Variants in CCDC7 observed in about 807,000 individuals in gnomAD.
CCDC7 encodes coiled-coil domain-containing protein 7.
In CCDC7, 183 loss-of-function variants were observed where a neutral mutation model predicts 196.9. The observed-to-expected ratio is 0.93, with a 90% CI of 0.82 to 1.05. CCDC7 has a LOEUF of 1.05. CCDC7 is among the 50% of genes least tolerant of loss of function. The pLI, the probability that CCDC7 is intolerant of heterozygous loss-of-function variation, is 0.00. For missense variants in CCDC7, 1,540 were observed against 1,482.2 expected, an observed-to-expected ratio of 1.04 and a Z score of -0.64; for synonymous variants, 525 against 484.6, an observed-to-expected ratio of 1.08 and a Z score of -1.10.
At chr10:32,809,640 C>G (rs1238820453) in intron 30 of CCDC7, among the ~76,000 whole-genome samples, 1 of 152,210 alleles carries the variant, frequency 6.6e-6, no homozygotes, top group Admixed American at 6.5e-5. Context: ...CTCATCATCA[C>G]TGGTCATCAG....
rs748760643 is a variant in CCDC7, at chr10:32,504,115, G to GTTTT, written c.872+12135_872+12138dup. On this transcript the variant is annotated intron_variant, in intron 9 of 41. Transcript: ENST00000639629. ...TTCTAGTCTCTATTATTTATTGCTG[G>GTTTT]TTTTTTTTTTTTTTTTTTTTGAGAT... Among the ~76,000 whole-genome samples the GTTTT allele has an allele frequency of 1.1e-3, 108 of 96,298 alleles. 1 individual carries two copies. Among genetic ancestry groups the GTTTT allele is most frequent in the East Asian group, 2.7e-3 (7 of 2,630 alleles). 63.2% of individuals were successfully genotyped at this position (96,298 alleles called of 152,430 possible). A position where few individuals can be genotyped will look rare whatever the true frequency, so the allele number is the denominator to read the frequency against.
At chr10:32,449,911 G>A (rs1389018790), upstream of CCDC7, among the ~76,000 whole-genome samples, 1 of 152,130 alleles carries the variant, frequency 6.6e-6, no homozygotes, top group Non-Finnish European at 1.5e-5. Context: ...TTAGCGTCTG[G>A]GCTTTCATCA....
At chr10:32,468,331 C>A (rs2037268393) in intron 5 of CCDC7, among the ~76,000 whole-genome samples, 1 of 151,880 alleles carries the variant, frequency 6.6e-6, no homozygotes, top group South Asian at 2.1e-4. Flanking sequence ...CCTAGGTATT[C>A]TTTTTGTGGC....
chr10:32,665,276 G>T (rs2072412244), intron 21 of CCDC7, among the ~76,000 whole-genome samples: 1 of 151,768 alleles, frequency 6.6e-6, no homozygotes, highest in Admixed American at 6.6e-5. Context: ...TATTCCTACT[G>T]TTGATTGTTT....
intron 18 of CCDC7, among the ~76,000 whole-genome samples, chr10:32,588,503 G>A (rs1035929631): frequency 6.6e-6 from 1 of 151,988 alleles, no homozygotes; most frequent in Non-Finnish European, 1.5e-5. Flanking sequence ...TCTTTCCTGG[G>A]ATAAATCCTA....
intron 41 of CCDC7, among the ~76,000 whole-genome samples, chr10:32,855,811 C>T (rs1188216753): frequency 6.6e-6 from 1 of 152,148 alleles, no homozygotes; most frequent in Admixed American, 6.6e-5. Flanking sequence ...AAGACTTACA[C>T]TTCATAATTT....
At chr10:32,836,759 A>G (rs769013976) in intron 33 of CCDC7, among the ~76,000 whole-genome samples, 4 of 151,516 alleles carry the variant, frequency 2.6e-5, no homozygotes, top group African/African-American at 7.3e-5. Context: ...GTTTGAGTTC[A>G]TTGTATGTTG....
intron 15 of CCDC7, 109 bp from the exon 17 acceptor site, chr10:32,571,750 A>C: frequency 9.6e-7 from 1 of 1,038,218 alleles, no homozygotes; most frequent in East Asian, 3.1e-5. Flanking sequence ...CCTTAATCTT[A>C]CGAAATTGTC....
chr10:32,739,192 G>T (rs373596680), intron 28 of CCDC7, among the ~76,000 whole-genome samples: 7 of 151,624 alleles, frequency 4.6e-5, no homozygotes, highest in Non-Finnish European at 1.5e-5. Flanking sequence ...ATTAATTTTC[G>T]AAAATTCTTA....
At chr10:32,573,763 C>A (rs2057866560) in intron 16 of CCDC7, among the ~76,000 whole-genome samples, 1 of 152,026 alleles carries the variant, frequency 6.6e-6, no homozygotes, top group Non-Finnish European at 1.5e-5. Context: ...GTAATAACTT[C>A]AGGAGGAAGA....
chr10:32,694,309 G>A (rs187539209), intron 23 of CCDC7, among the ~76,000 whole-genome samples: 1 of 151,964 alleles, frequency 6.6e-6, no homozygotes, highest in Non-Finnish European at 1.5e-5. Context: ...GAAGTGTTTT[G>A]GGTCTTTATT....
intron 14 of CCDC7, among the ~76,000 whole-genome samples, chr10:32,567,196 T>C (rs1055957024): frequency 6.7e-6 from 1 of 149,048 alleles, no homozygotes; most frequent in Non-Finnish European, 1.5e-5. Context: ...ATTTATATAG[T>C]CTTTTATATA....
intron 13 of CCDC7, among the ~76,000 whole-genome samples, chr10:32,561,727 C>A (rs11527640): frequency 0.14 from 20,587 of 151,770 alleles, 1,499 homozygotes; most frequent in East Asian, 0.25. Context: ...ACCCTAACAT[C>A]ACAATTAAAA....
At chr10:32,861,114 G>GAAAAAAAAAAAA (rs2093963726) in intron 41 of CCDC7, among the ~76,000 whole-genome samples, 1 of 15,720 alleles carries the variant, frequency 6.4e-5, no homozygotes, top group African/African-American at 1.9e-4. Flanking sequence ...ACAATCATAA[G>GAAAAAAAAAAAA]CAAAAAAAAA....
intron 20 of CCDC7, among the ~76,000 whole-genome samples, chr10:32,660,589 T>C (rs2071125973): frequency 6.8e-6 from 1 of 147,312 alleles, no homozygotes; most frequent in Non-Finnish European, 1.5e-5. Flanking sequence ...TAAACATACG[T>C]GTGCATGTGT....
chr10:32,877,545 T>C (rs2094632377), downstream of CCDC7, among the ~76,000 whole-genome samples: 1 of 152,108 alleles, frequency 6.6e-6, no homozygotes, highest in Non-Finnish European at 1.5e-5. Context: ...TTATCTAAAC[T>C]AGATCCAATC....
intron 30 of CCDC7, among the ~76,000 whole-genome samples, chr10:32,813,766 T>C (rs1286365664): frequency 6.6e-6 from 1 of 152,172 alleles, no homozygotes; most frequent in Non-Finnish European, 1.5e-5. Flanking sequence ...GGTTAAGAAA[T>C]TGTGCAGCAT....
chr10:32,571,751 C>G, intron 15 of CCDC7, 108 bp from the exon 17 acceptor site: 3 of 1,049,892 alleles, frequency 2.9e-6, no homozygotes, highest in Non-Finnish European at 3.8e-6. Flanking sequence ...CTTAATCTTA[C>G]GAAATTGTCA....
At chr10:32,749,887 A>G (rs781458889) in intron 28 of CCDC7, among the ~76,000 whole-genome samples, 1 of 152,182 alleles carries the variant, frequency 6.6e-6, no homozygotes, top group Non-Finnish European at 1.5e-5. Context: ...CAAGAAATAG[A>G]GTTCTACTCT....
Sources: allele counts gnomAD v4.1 joint callset (sites outside exome capture counted in the v4.1 genomes callset), GRCh38; gene constraint gnomAD v4.1.1; transcripts MANE v1.5; gene names NCBI Gene and HGNC (gene_info 2026-07-23, HGNC 2026-07-21).